Variants in TENM2 observed in about 807,000 individuals in gnomAD.
TENM2 encodes teneurin transmembrane protein 2.
A neutral mutation model predicts 245.2 loss-of-function variants in TENM2; 52 were observed. That is an observed-to-expected ratio of 0.21 (90% CI 0.17 to 0.27). The LOEUF (loss-of-function observed/expected upper bound fraction) is 0.27. TENM2 is among the 10% of genes least tolerant of loss of function. TENM2 has a pLI of 1.00. For missense variants in TENM2, 3,046 were observed against 3,666.8 expected (o/e 0.83, Z 4.37); for synonymous variants, 1,363 against 1,438.9 (o/e 0.95, Z 1.19).
chr5:167,621,099 G>A (rs1778140563), intron 2 of TENM2, among the ~76,000 whole-genome samples: 1 of 152,098 alleles, frequency 6.6e-6, no homozygotes, highest in Non-Finnish European at 1.5e-5. Flanking sequence ...CATTCAGCAA[G>A]TATTTAATAA....
chr5:167,686,324 C>G (rs1757072340), intron 2 of TENM2, among the ~76,000 whole-genome samples: 1 of 152,134 alleles, frequency 6.6e-6, no homozygotes, highest in Non-Finnish European at 1.5e-5. Context: ...ATGGAAAAGT[C>G]TGCTGTCTTA....
intron 1 of TENM2, among the ~76,000 whole-genome samples, chr5:167,335,069 G>A (rs1757677712): frequency 1.3e-5 from 2 of 152,112 alleles, no homozygotes; most frequent in Admixed American, 1.3e-4. Flanking sequence ...ATAAAGTAAG[G>A]AAAAGAAAAG....
At chr5:167,566,858 G>A (rs1272725829) in intron 2 of TENM2, among the ~76,000 whole-genome samples, 1 of 152,126 alleles carries the variant, frequency 6.6e-6, no homozygotes, top group Non-Finnish European at 1.5e-5. Flanking sequence ...TTATGATAAG[G>A]TGGCTCCGCT....
intron 2 of TENM2, among the ~76,000 whole-genome samples, chr5:167,627,562 C>CT (rs34785510): frequency 0.68 from 98,475 of 145,246 alleles, 33,202 homozygotes; most frequent in Middle Eastern, 0.76. Context: ...GACTCTACTT[C>CT]TTTTTTTTTT....
At chr5:167,346,718 A>T (rs890122041) in intron 1 of TENM2, among the ~76,000 whole-genome samples, 1 of 152,108 alleles carries the variant, frequency 6.6e-6, no homozygotes, top group African/African-American at 2.4e-5. Flanking sequence ...TTTTGTACGC[A>T]CAGCAAGGAA....
chr5:167,241,395 T>C, the TENM2 span, among the ~76,000 whole-genome samples: 6 of 152,182 alleles, frequency 3.9e-5, no homozygotes, highest in African/African-American at 1.2e-4. Flanking sequence ...TTGTGAAAGA[T>C]GGAGTCAAAA....
At position 167,683,573 on chromosome 5, in the gene TENM2, G is replaced by A. The variant is rs188218859; in HGVS notation, c.503-192413G>A. The stretch of plus-strand genomic sequence containing the variant: ...ATGTGGGAGAATAAACATAGGCAGC[G>A]TTAGAAATAACATTGCCATTTTCTC... On this transcript the variant is annotated intron_variant, in intron 2 of 28. Coordinates refer to ENST00000518659, the Ensembl canonical transcript of TENM2. 8.8e-4 allele frequency among the ~76,000 whole-genome samples: 134 copies of A among 152,262 alleles called. 1 individual carries two copies. Among genetic ancestry groups the A allele is most frequent in the African/African-American group, 3.0e-3 (123 of 41,550 alleles).
intron 2 of TENM2, among the ~76,000 whole-genome samples, chr5:167,580,443 A>G (rs1185756212): frequency 6.6e-6 from 1 of 152,214 alleles, no homozygotes; most frequent in Non-Finnish European, 1.5e-5. Context: ...CCAGTTAGTT[A>G]TTCTCCACCA....
the TENM2 span, among the ~76,000 whole-genome samples, chr5:167,150,381 G>T: frequency 6.6e-6 from 1 of 152,126 alleles, no homozygotes; most frequent in Non-Finnish European, 1.5e-5. Context: ...GCAAATAAAA[G>T]AATTTTTGTT....
intron 2 of TENM2, among the ~76,000 whole-genome samples, chr5:167,378,378 C>CTTCTTTT (rs576878545): frequency 1.8e-5 from 2 of 110,084 alleles, no homozygotes; most frequent in Non-Finnish European, 3.7e-5. Flanking sequence ...CTTTCTTCTT[C>CTTCTTTT]TTTTTTTTTT....
intron 5 of TENM2, among the ~76,000 whole-genome samples, chr5:168,012,195 A>G (rs1028390503): frequency 6.6e-6 from 1 of 152,164 alleles, no homozygotes; most frequent in African/African-American, 2.4e-5. Context: ...TGATCATCCA[A>G]AGACTGGTCA....
the TENM2 span, among the ~76,000 whole-genome samples, chr5:167,263,608 T>C: frequency 6.6e-6 from 1 of 152,120 alleles, no homozygotes; most frequent in South Asian, 2.1e-4. Flanking sequence ...TATTTCCAAT[T>C]CCTTAATATT....
chr5:167,202,297 T>C, the TENM2 span, among the ~76,000 whole-genome samples: 3 of 152,072 alleles, frequency 2.0e-5, no homozygotes, highest in Non-Finnish European at 4.4e-5. Flanking sequence ...TTCCCTGCAT[T>C]TAACTCAAAT....
At chr5:168,036,923 G>A (rs2151985804) in intron 5 of TENM2, among the ~76,000 whole-genome samples, 1 of 151,674 alleles carries the variant, frequency 6.6e-6, no homozygotes, top group Middle Eastern at 3.4e-3. Context: ...CCCCAGATTA[G>A]CTCTTTCCTC....
chr5:167,227,090 G>A, the TENM2 span, among the ~76,000 whole-genome samples: 2 of 104,940 alleles, frequency 1.9e-5, no homozygotes, highest in East Asian at 2.4e-4. Flanking sequence ...TGCATTTCTT[G>A]TAGACAGCAT....
the TENM2 span, among the ~76,000 whole-genome samples, chr5:167,234,468 T>G: frequency 1.3e-5 from 2 of 152,216 alleles, no homozygotes; most frequent in East Asian, 1.9e-4. Flanking sequence ...TCATCAGGAC[T>G]CTGCTGTATA....
chr5:167,858,015 A>G (rs537730050), intron 2 of TENM2, among the ~76,000 whole-genome samples: 1 of 152,352 alleles, frequency 6.6e-6, no homozygotes, highest in Admixed American at 6.5e-5. Context: ...TCTAAAGCTA[A>G]CATTCAATGG....
chr5:167,034,954 A>G, the TENM2 span, among the ~76,000 whole-genome samples: 1 of 152,168 alleles, frequency 6.6e-6, no homozygotes, highest in East Asian at 1.9e-4. Flanking sequence ...CCTTATGAGT[A>G]AAGAACAAAC....
At chr5:167,742,529 C>T (rs974653221) in intron 2 of TENM2, among the ~76,000 whole-genome samples, 2 of 151,984 alleles carry the variant, frequency 1.3e-5, no homozygotes, top group Admixed American at 1.3e-4. Context: ...TATCAGAAAC[C>T]AATCAACGTT....
Sources: gnomAD v4.1 joint callset for allele counts (sites outside exome capture counted in the v4.1 genomes callset) on GRCh38, gnomAD v4.1.1 for gene constraint, MANE v1.5 for transcripts, NCBI Gene and HGNC (gene_info 2026-07-23, HGNC 2026-07-21) for gene names.